KCTD16: variants seen among roughly 807,000 people sequenced by gnomAD.
KCTD16 encodes the protein BTB/POZ domain-containing protein KCTD16.
In KCTD16, 13 loss-of-function variants were observed where a neutral mutation model predicts 33.2. The ratio of observed to expected loss-of-function variants is 0.39; its 90% CI spans 0.25 to 0.62. The LOEUF (loss-of-function observed/expected upper bound fraction) is 0.62. Among genes scored for constraint, KCTD16 ranks in the 20% least tolerant of loss-of-function variants. KCTD16 has a pLI of 0.50. For synonymous variants in KCTD16, 197 were observed against 195.3 expected, an observed-to-expected ratio of 1.01 and a Z score of -0.07; for missense variants, 441 against 525.1, an observed-to-expected ratio of 0.84 and a Z score of 1.57.
chr5:144,393,664 C>T (rs1000746634), intron 3 of KCTD16, among the ~76,000 whole-genome samples: 8 of 152,126 alleles, frequency 5.3e-5, no homozygotes, highest in African/African-American at 1.9e-4. Context: ...TACCCACTTA[C>T]CATGCTATAG....
intron 3 of KCTD16, among the ~76,000 whole-genome samples, chr5:144,247,106 G>A (rs1390555839): frequency 6.6e-6 from 1 of 152,158 alleles, no homozygotes; most frequent in East Asian, 1.9e-4. Context: ...AATGATGGTG[G>A]TTGCAATAGC....
chr5:144,476,985 G>A lies in KCTD16; in HGVS notation c.*2871G>A, dbSNP rs2127004920. ...AGTATTGAGTGGATACAATGAATGG[G>A]GAATCACATGTGTAGAGCCCCAACT... On this transcript the variant is annotated 3_prime_UTR_variant, in exon 4 of 4. Transcript: ENST00000512467. 1 of 152,220 alleles carries A rather than the reference G, an allele frequency of 6.6e-6. No homozygotes were observed. Among genetic ancestry groups the A allele is most frequent in the South Asian group, 2.1e-4 (1 of 4,828 alleles). The allele number at this position is 152,220 out of a possible 1,614,324, so 9.4% of individuals were successfully genotyped here. A position where few individuals can be genotyped will look rare whatever the true frequency, so the allele number is the denominator to read the frequency against.
At chr5:144,357,238 G>A (rs1326651172) in intron 3 of KCTD16, among the ~76,000 whole-genome samples, 1 of 152,190 alleles carries the variant, frequency 6.6e-6, no homozygotes, top group Non-Finnish European at 1.5e-5. Flanking sequence ...ATGGCATTCA[G>A]CTGAAGAGTT....
intron 3 of KCTD16, among the ~76,000 whole-genome samples, chr5:144,368,445 G>C (rs1272248744): frequency 1.3e-5 from 2 of 152,138 alleles, no homozygotes; most frequent in Non-Finnish European, 2.9e-5. Flanking sequence ...AATGTGGGTG[G>C]TATTTAGGAG....
chr5:144,261,038 C>T (rs1754992731), intron 3 of KCTD16, among the ~76,000 whole-genome samples: 2 of 151,420 alleles, frequency 1.3e-5, no homozygotes, highest in South Asian at 4.2e-4. Flanking sequence ...ATTGATGAAA[C>T]GACCCCAATT....
chr5:144,220,582 G>A (rs368311321), intron 3 of KCTD16, among the ~76,000 whole-genome samples: 1 of 149,088 alleles, frequency 6.7e-6, no homozygotes, highest in Non-Finnish European at 1.5e-5. Flanking sequence ...GTGTGTGTGT[G>A]TTTATACATA....
At chr5:144,180,634 T>G (rs2126773274) in intron 2 of KCTD16, among the ~76,000 whole-genome samples, 1 of 152,332 alleles carries the variant, frequency 6.6e-6, no homozygotes, top group South Asian at 2.1e-4. Flanking sequence ...AATGTTGAAT[T>G]CATCTGAAAG....
intron 3 of KCTD16, among the ~76,000 whole-genome samples, chr5:144,463,273 GA>G (rs1413717631): frequency 2.6e-5 from 4 of 152,012 alleles, no homozygotes; most frequent in Non-Finnish European, 5.9e-5. Context: ...ACTGCCTATT[GA>G]AAAAAAGCAG....
intron 3 of KCTD16, among the ~76,000 whole-genome samples, chr5:144,299,146 ATATTTTTTTT>A (rs1342693982): frequency 1.6e-3 from 16 of 10,290 alleles, no homozygotes; most frequent in Non-Finnish European, 2.1e-3. Flanking sequence ...ATATATATAT[ATATTTTTTTT>A]TTTTTTTTTA....
At chr5:144,223,062 A>G (rs1352009490) in intron 3 of KCTD16, among the ~76,000 whole-genome samples, 1 of 152,096 alleles carries the variant, frequency 6.6e-6, no homozygotes, top group Non-Finnish European at 1.5e-5. Context: ...CAAACACCGC[A>G]TGTTCTCACT....
At chr5:144,222,607 A>G (rs1272524033) in intron 3 of KCTD16, among the ~76,000 whole-genome samples, 6 of 152,098 alleles carry the variant, frequency 3.9e-5, no homozygotes. Context: ...ATCTCACACC[A>G]GTTAGAATGG....
chr5:144,456,669 A>G (rs748937604), intron 3 of KCTD16, among the ~76,000 whole-genome samples: 60 of 151,614 alleles, frequency 4.0e-4, no homozygotes, highest in Admixed American at 7.9e-4. Context: ...TGGTGAATGT[A>G]TTTTTGACTG....
At chr5:144,301,580 G>A (rs998040484) in intron 3 of KCTD16, among the ~76,000 whole-genome samples, 3 of 152,124 alleles carry the variant, frequency 2.0e-5, no homozygotes, top group Non-Finnish European at 4.4e-5. Flanking sequence ...GAAAATTCTT[G>A]CCTTAAGAAT....
chr5:144,357,379 G>A lies in KCTD16; in HGVS notation c.833-116281G>A, dbSNP rs1751593892. Among the ~76,000 whole-genome samples, 3 of 152,188 alleles carry A rather than the reference G, an allele frequency of 2.0e-5. No individual in the cohort carries two copies. In the South Asian group the frequency reaches 6.2e-4, roughly 31 times the overall value. On this transcript the variant is annotated intron_variant, in intron 3 of 3. Transcript: ENST00000512467. ...GCTCTAGAGCAATTCCTGCTCATCT[G>A]GGTGTTGCTCCAGAATATAATCTTA...
chr5:144,352,917 G>A (rs78263550), intron 3 of KCTD16, among the ~76,000 whole-genome samples: 2,429 of 152,244 alleles, frequency 0.016, 36 homozygotes, highest in Middle Eastern at 0.034. Context: ...CCAACAAGCC[G>A]TCTGCTTATA....
rs530217707 is a variant in KCTD16, at chr5:144,473,306, A to G, written c.833-354A>G. ...TCCTATAACTCCAGATAGTAGGAAA[A>G]TTATTACCCTTATACCACAGATGAG... On this transcript the variant is annotated intron_variant, in intron 3 of 3. Coordinates refer to ENST00000512467, the MANE Select transcript of KCTD16 (RefSeq NM_020768.4). Among the ~76,000 whole-genome samples the G allele has an allele frequency of 9.9e-5, 15 of 152,276 alleles. No individual in the cohort carries two copies. In the South Asian group the frequency reaches 2.7e-3, roughly 27 times the overall value.
At chr5:144,220,995 G>A (rs1753732125) in intron 3 of KCTD16, among the ~76,000 whole-genome samples, 1 of 151,980 alleles carries the variant, frequency 6.6e-6, no homozygotes, top group South Asian at 2.1e-4. Flanking sequence ...AGGGCAACTT[G>A]AACCTTGAGA....
chr5:144,224,927 C>T (rs1409563305), intron 3 of KCTD16, among the ~76,000 whole-genome samples: 2 of 152,172 alleles, frequency 1.3e-5, no homozygotes, highest in Admixed American at 6.5e-5. Flanking sequence ...TCAGAATTTC[C>T]GTATAGTAGA....
At chr5:144,305,685 G>A (rs374166173) in intron 3 of KCTD16, among the ~76,000 whole-genome samples, 4 of 151,994 alleles carry the variant, frequency 2.6e-5, no homozygotes, top group South Asian at 2.1e-4. Context: ...ATGGTGGTGC[G>A]CACCTGTACT....
Sources: gnomAD v4.1 joint callset for allele counts (sites outside exome capture counted in the v4.1 genomes callset) on GRCh38, gnomAD v4.1.1 for gene constraint, MANE v1.5 for transcripts, NCBI Gene and HGNC (gene_info 2026-07-23, HGNC 2026-07-21) for gene names.